CCNJL: variants seen among roughly 807,000 people sequenced by gnomAD.
CCNJL encodes the protein cyclin-J-like protein.
Under a neutral mutation model 33.4 loss-of-function variants are expected in CCNJL, and 33 were observed. The ratio of observed to expected loss-of-function variants is 0.99; its 90% confidence interval spans 0.75 to 1.32. CCNJL has a LOEUF of 1.32. Ranked by LOEUF, CCNJL falls within the 40% of genes most tolerant of loss-of-function variation. CCNJL has a pLI of 0.00. For synonymous variants in CCNJL, 227 were observed against 220.9 expected (o/e 1.03, Z -0.24); for missense variants, 512 against 499.7 (o/e 1.02, Z -0.23).
At chr5:160,282,970 T>TATATATATATAC in intron 2 of CCNJL, among the ~76,000 whole-genome samples, 1 of 41,110 alleles carries the variant, frequency 2.4e-5, no homozygotes, top group South Asian at 8.9e-4. Flanking sequence ...CCTTGGAATA[T>TATATATATATAC]ATATATATAT....
intron 2 of CCNJL, among the ~76,000 whole-genome samples, chr5:160,302,768 T>C (rs1158974340): frequency 6.6e-6 from 1 of 151,668 alleles, no homozygotes; most frequent in Non-Finnish European, 1.5e-5. Flanking sequence ...GCCAAGATCA[T>C]GCCACTGCAC....
At chr5:160,276,443 A>C (rs1561786000) in intron 3 of CCNJL, 1 of 152,202 alleles carries the variant, frequency 6.6e-6, no homozygotes, top group African/African-American at 2.4e-5. Flanking sequence ...AGAAAAAAAA[A>C]AGAAATGAAG....
rs1561812379 is a variant in CCNJL at position 160,320,790 on chromosome 5, TTTCTTTCTTTC to T, written n.207-5296_207-5286del. 4.4e-3 allele frequency among the ~76,000 whole-genome samples: 149 copies of T among 34,220 alleles called. 2 individuals are homozygous for T. Among genetic ancestry groups the T allele is most frequent in the African/African-American group, 0.011 (140 of 12,740 alleles). The allele number at this position is 34,220 out of a possible 152,430, so 22.4% of individuals were successfully genotyped here. ...TTCTTTCTTTCTTTTCTTTCTTTCC[TTTCTTTCTTTC>T]TTTCTTTCTTTCTTTCTTTCTTTCT... On this transcript the variant is annotated intron_variant and non_coding_transcript_variant, in intron 1 of 7. Coordinates refer to the CCNJL transcript ENST00000377503.
At chr5:160,314,118 G>A (rs1763348722), upstream of CCNJL, among the ~76,000 whole-genome samples, 1 of 152,216 alleles carries the variant, frequency 6.6e-6, no homozygotes, top group Admixed American at 6.5e-5. Flanking sequence ...GCAGTGAGCC[G>A]AGATCGTGCC....
At chr5:160,320,786 TTCC>T (rs1267085709) in intron 1 of CCNJL, among the ~76,000 whole-genome samples, 3 of 141,428 alleles carry the variant, frequency 2.1e-5, no homozygotes, top group Admixed American at 1.4e-4. Flanking sequence ...TTTTCTTTCT[TTCC>T]TTTCTTTCTT....
chr5:160,258,841 C>T (rs988599714), intron 4 of CCNJL, among the ~76,000 whole-genome samples: 1 of 152,226 alleles, frequency 6.6e-6, no homozygotes, highest in African/African-American at 2.4e-5. Context: ...GGACTACAGG[C>T]ATGCACCACC....
At chr5:160,310,821 G>GAATGCCAAGGATGACCAAGCACCAGCA (rs1763237811) in intron 2 of CCNJL, among the ~76,000 whole-genome samples, 1 of 152,188 alleles carries the variant, frequency 6.6e-6, no homozygotes, top group Admixed American at 6.5e-5. Context: ...ACAAGCCGAG[G>GAATGCCAAGGATGACCAAGCACCAGCA]AATGCCAAGG....
chr5:160,288,965 C>A (rs906765681), intron 2 of CCNJL, among the ~76,000 whole-genome samples: 1 of 152,012 alleles, frequency 6.6e-6, no homozygotes, highest in African/African-American at 2.4e-5. Context: ...AATGCCATAG[C>A]GATCTACAAC....
At chr5:160,288,020 C>T (rs1226373296) in intron 2 of CCNJL, among the ~76,000 whole-genome samples, 1 of 152,140 alleles carries the variant, frequency 6.6e-6, no homozygotes, top group Non-Finnish European at 1.5e-5. Context: ...TAGAGATGAA[C>T]AGGTGGAGGC....
chr5:160,273,064 G>A (rs1403546040), intron 3 of CCNJL, among the ~76,000 whole-genome samples: 2 of 152,180 alleles, frequency 1.3e-5, no homozygotes, highest in Non-Finnish European at 2.9e-5. Flanking sequence ...TATGAAGAAA[G>A]CACCTTTAGC....
At position 160,320,822 on chromosome 5, in the gene CCNJL, T is replaced by C. The variant is rs370361079; in HGVS notation, n.207-5317A>G. On this transcript the variant is annotated intron_variant and non_coding_transcript_variant, in intron 1 of 7. Transcript: ENST00000377503. Reference sequence around the variant, plus strand: ...CTTTCTTTCTTTCTTTCTTTCTTTCTTTCTTTCTTTCTTTCTTTCTTTCTT... The same window carrying C: ...CTTTCTTTCTTTCTTTCTTTCTTTCCTTCTTTCTTTCTTTCTTTCTTTCTT... Among the ~76,000 whole-genome samples, 1,086 of 113,350 alleles carry C rather than the reference T, an allele frequency of 9.6e-3. 3 individuals carry two copies. Among genetic ancestry groups the C allele is most frequent in the Middle Eastern group, 0.013 (3 of 224 alleles). The allele number at this position is 113,350 out of a possible 152,430, so 74.4% of individuals were successfully genotyped here.
At chr5:160,328,214 T>C (rs1257375908) in intron 1 of CCNJL, among the ~76,000 whole-genome samples, 1 of 152,182 alleles carries the variant, frequency 6.6e-6, no homozygotes, top group Admixed American at 6.5e-5. Context: ...ATTTGGGACT[T>C]TATTCTAAAT....
chr5:160,298,640 A>C lies in CCNJL; in HGVS notation c.66+13218T>G, dbSNP rs139969651. ...GAATCACCAAGGGTGCTCTGAGAACATACAAAAGGCCCAGCCCGTCCTTGT... is the reference window on the plus strand; with the variant it reads ...GAATCACCAAGGGTGCTCTGAGAACCTACAAAAGGCCCAGCCCGTCCTTGT... On this transcript the variant is annotated intron_variant, in intron 2 of 5. Transcript: ENST00000257536. Among the ~76,000 whole-genome samples the C allele has an allele frequency of 1.0e-3, 152 of 152,342 alleles. No homozygotes were observed. The Middle Eastern group carries it at 0.01, about 10-fold the overall frequency.
chr5:160,277,067 A>AC (rs1189000634), intron 3 of CCNJL, among the ~76,000 whole-genome samples: 1 of 152,164 alleles, frequency 6.6e-6, no homozygotes, highest in African/African-American at 2.4e-5. Flanking sequence ...TGCTGGGATT[A>AC]CAGGTGTGAG....
rs1190903337 is a variant in CCNJL at position 160,321,004 on chromosome 5, CTCTCTCTCTCTTTCTT to C, written n.207-5515_207-5500del. Among the ~76,000 whole-genome samples, 188 of 112,114 alleles carry C rather than the reference CTCTCTCTCTCTTTCTT, an allele frequency of 1.7e-3. 7 individuals carry two copies. The highest frequency in any genetic ancestry group is 6.3e-3 in the African/African-American group (172 of 27,472). 73.6% of individuals were successfully genotyped at this position (112,114 alleles called of 152,430 possible). ...TCTCTCTCTTTCTTTCTTTCTCTCT[CTCTCTCTCTCTTTCTT>C]TCTTTCTTTCTTTCTTTCTTTCTTT... is the stretch of plus-strand genomic sequence containing the variant. On this transcript the variant is annotated intron_variant and non_coding_transcript_variant, in intron 1 of 7. Coordinates refer to the CCNJL transcript ENST00000377503.
Position 160,253,805 on chromosome 5 carries a change from C to T in CCNJL, c.744-7G>A, listed in dbSNP as rs145884784. The T allele has an allele frequency of 1.1e-4, 171 of 1,497,128 alleles. No homozygotes were observed. The African/African-American group carries it at 1.8e-3, about 16-fold the overall frequency. 92.7% of individuals were successfully genotyped at this position (1,497,128 alleles called of 1,614,324 possible). ...GAGGACGTTGTCATACACTCTGAAA[C>T]GAGAAGACCTGGGTGAGAACTGGAG... On this transcript the variant is annotated splice_polypyrimidine_tract_variant and splice_region_variant and intron_variant, in intron 5 of 5. Transcript: ENST00000257536.
At chr5:160,289,840 A>G (rs1382997833) in intron 2 of CCNJL, among the ~76,000 whole-genome samples, 1 of 152,064 alleles carries the variant, frequency 6.6e-6, no homozygotes, top group Non-Finnish European at 1.5e-5. Flanking sequence ...AGTGACAAAC[A>G]CTTCCCATAC....
intron 2 of CCNJL, among the ~76,000 whole-genome samples, chr5:160,283,096 T>G (rs1026991867): frequency 1.4e-5 from 2 of 147,134 alleles, no homozygotes; most frequent in East Asian, 2.0e-4. Context: ...GCATCATTCA[T>G]AACAGTTCCC....
chr5:160,266,403 ACTT>A (rs767826992), intron 3 of CCNJL, among the ~76,000 whole-genome samples: 5 of 152,208 alleles, frequency 3.3e-5, no homozygotes, highest in Non-Finnish European at 5.9e-5. Flanking sequence ...AAAAGGCAGA[ACTT>A]CTACCAGCTT....
Sources: gnomAD v4.1 joint callset for allele counts (sites outside exome capture counted in the v4.1 genomes callset) on GRCh38, gnomAD v4.1.1 for gene constraint, MANE v1.5 for transcripts, NCBI Gene and HGNC (gene_info 2026-07-23, HGNC 2026-07-21) for gene names.